The following PKHD1L1 variants were observed in gnomAD, a reference collection of about 807,000 sequenced individuals.
PKHD1L1 encodes the protein fibrocystin-L.
In PKHD1L1, 434 loss-of-function variants were observed where a neutral mutation model predicts 462.9. The ratio of observed to expected loss-of-function variants is 0.94; its 90% CI spans 0.87 to 1.02. The LOEUF is 1.02. PKHD1L1 is among the 50% of genes least tolerant of loss of function. The pLI, the probability that PKHD1L1 is intolerant of heterozygous loss-of-function variation, is 0.00. For synonymous variants in PKHD1L1, 1,781 were observed against 1,750.0 expected (o/e 1.02, Z -0.44); for missense variants, 5,202 against 5,096.1 (o/e 1.02, Z -0.63).
At position 109,396,083 on chromosome 8, in the gene PKHD1L1, A is replaced by G. The variant is rs761226372; in HGVS notation, c.868A>G (p.Ile290Val). The G allele has an allele frequency of 6.2e-7, 1 of 1,609,638 alleles. No homozygotes were observed. The highest frequency in any genetic ancestry group is 8.5e-7 in the Non-Finnish European group (1 of 1,178,204). Residue 290 changes from isoleucine to valine, a missense_variant, in exon 11 of 78, where the codon ATA (isoleucine) becomes GTA (valine). Around this residue, in one of 3 missense-constraint regions of PKHD1L1, gnomAD observed 4,497 missense variants for 4,336.8 expected, o/e 1.04. Transcript: ENST00000378402. ...CATTCGAGGTGGCACCACGCTGACA[A>G]TAAGTGGGCGTTTCTTTGATCAGAC... ...GSIRGGTTLT[I>V]SGRFFDQTDF... is the part of the protein sequence containing the mutation.
rs753700737 is a variant in PKHD1L1, at chr8:109,420,697, C to T, written c.2697+7C>T. ...GGCTGTGAGCTTTGGGCAGGTAAGC[C>T]TAGAATTTTGCATTAATTTTTATGT... On this transcript the variant is annotated splice_region_variant and intron_variant, in intron 23 of 77. Transcript: ENST00000378402. 4.6e-6 allele frequency: 7 copies of T among 1,517,876 alleles called. No individual in the cohort carries two copies. The South Asian group carries it at 9.3e-5, about 20-fold the overall frequency. The allele number at this position is 1,517,876 out of a possible 1,614,324, so 94.0% of individuals were successfully genotyped here.
In PKHD1L1 at chr8:109,419,315, T is replaced by C. The variant is rs562249902; in HGVS notation, c.2524+55T>C. 959 of 1,389,514 alleles carry C rather than the reference T, an allele frequency of 6.9e-4. 15 individuals carry two copies. In the South Asian group the frequency reaches 0.014, roughly 20 times the overall value. 86.1% of individuals were successfully genotyped at this position (1,389,514 alleles called of 1,614,324 possible). On this transcript the variant is annotated intron_variant, in intron 22 of 77. Transcript: ENST00000378402. ...ATCTAAATATAGTAAAATCTTACCA[T>C]GGAAATTATTTTTATATTCTGCAGT...
chr8:109,498,775 A>G lies in PKHD1L1; in HGVS notation c.10828+4A>G, dbSNP rs572419150. 1.9e-6 allele frequency: 3 copies of G among 1,586,766 alleles called. No homozygotes were observed. The South Asian group carries it at 3.3e-5, about 18-fold the overall frequency. On this transcript the variant is annotated splice_donor_region_variant and intron_variant, in intron 67 of 77. Transcript: ENST00000378402. ...AGTGGCCTTTTGGACATCTCAGGCA[A>G]GTACACAGTCTTTTACAAATCTTCT...
intron 15 of PKHD1L1, 42 bp from the exon 16 acceptor site, chr8:109,404,953 A>G: frequency 7.7e-7 from 1 of 1,292,834 alleles, no homozygotes. Flanking sequence ...TAAGATATAT[A>G]TATTTTTCAT....
chr8:109,376,260 A>T (rs886779160), intron 2 of PKHD1L1, among the ~76,000 whole-genome samples: 1 of 152,016 alleles, frequency 6.6e-6, no homozygotes, highest in Admixed American at 6.6e-5. Flanking sequence ...CTGCTGTGCT[A>T]GCAATGAGCA....
At chr8:109,392,694 A>AT (rs1189217767) in intron 9 of PKHD1L1, among the ~76,000 whole-genome samples, 1 of 152,104 alleles carries the variant, frequency 6.6e-6, no homozygotes, top group African/African-American at 2.4e-5. Context: ...AAAATCTTAC[A>AT]TTTTGAATCT....
chr8:109,409,352 C>T (rs979358601), intron 18 of PKHD1L1, among the ~76,000 whole-genome samples: 1 of 151,840 alleles, frequency 6.6e-6, no homozygotes, highest in African/African-American at 2.4e-5. Flanking sequence ...TGGGTTCAAG[C>T]GATTCTCCTG....
At position 109,410,726 on chromosome 8, in the gene PKHD1L1, C is replaced by CTTTTTTTTTTTTTTTTTTTTTTTT. The variant is rs71303459; in HGVS notation, c.2085+769_2085+770insTTTTTTTTTTTTTTTTTTTTTTTT. ...TTCTTTTTTCTTTTCTTTTCTTTTT[C>CTTTTTTTTTTTTTTTTTTTTTTTT]TTTTTTTTTTTTTTTTTTTTTGAGA... On this transcript the variant is annotated intron_variant, in intron 19 of 77. Transcript: ENST00000378402. 7.6e-4 allele frequency among the ~76,000 whole-genome samples: 52 copies of CTTTTTTTTTTTTTTTTTTTTTTTT among 68,384 alleles called. 13 individuals carry two copies. The highest frequency in any genetic ancestry group is 3.7e-3 in the African/African-American group (45 of 12,264). The allele number at this position is 68,384 out of a possible 152,430, so 44.9% of individuals were successfully genotyped here. A position where few individuals can be genotyped will look rare whatever the true frequency, so the allele number is the denominator to read the frequency against.
In PKHD1L1 at chr8:109,441,401, T is replaced by A. The variant is rs372027641; in HGVS notation, c.4204+22T>A. 23 of 1,338,128 alleles carry A rather than the reference T, an allele frequency of 1.7e-5. No individual in the cohort carries two copies. In the African/African-American group the frequency reaches 2.8e-4, roughly 16 times the overall value. 82.9% of individuals were successfully genotyped at this position (1,338,128 alleles called of 1,614,324 possible). A position where few individuals can be genotyped will look rare whatever the true frequency, so the allele number is the denominator to read the frequency against. On this transcript the variant is annotated intron_variant, in intron 34 of 77. Transcript: ENST00000378402. ...TCAGGTATCAGCCATTTATATACTA[T>A]GAAATAATGGAAGCACTGAAACCTG...
chr8:109,513,700 C>T (rs745614866), intron 71 of PKHD1L1, among the ~76,000 whole-genome samples: 6 of 152,036 alleles, frequency 3.9e-5, no homozygotes, highest in African/African-American at 1.4e-4. Flanking sequence ...AGTTCCATCC[C>T]TTCGCTCCAG....
chr8:109,479,946 G>A, intron 54 of PKHD1L1, 45 bp from the exon 55 acceptor site: 2 of 1,488,332 alleles, frequency 1.3e-6, no homozygotes, highest in Non-Finnish European at 1.8e-6. Context: ...GCTATAAGTT[G>A]TAGTTTATGG....
In PKHD1L1 at chr8:109,390,227, T is replaced by G. The variant is rs6469257; in HGVS notation, c.698-225T>G. On this transcript the variant is annotated intron_variant, in intron 8 of 77. Transcript: ENST00000378402. ...CTTCATTCATGATCATATTTTGTTA[T>G]GTGTTTCTGGTTATAACTTCAAGAC... Among the ~76,000 whole-genome samples the G allele has an allele frequency of 0.6, 91,208 of 151,998 alleles. 28,080 individuals carry two copies. The highest frequency in any genetic ancestry group is 0.73 in the African/African-American group (30,307 of 41,432).
rs758929561 is a variant in PKHD1L1, at chr8:109,396,001, T to C, written c.812-26T>C. The C allele has an allele frequency of 2.0e-6, 3 of 1,467,682 alleles. No individual in the cohort carries two copies. In the South Asian group the frequency reaches 3.6e-5, roughly 18 times the overall value. 90.9% of individuals were successfully genotyped at this position (1,467,682 alleles called of 1,614,324 possible). On this transcript the variant is annotated intron_variant, in intron 10 of 77. Transcript: ENST00000378402. ...GGGTTTATGTGTAATATTTATGATA[T>C]TTTATTTAATGTGGTTTTCCCCCAG...
chr8:109,444,569 C>T (rs1401872011), intron 37 of PKHD1L1, 92 bp from the exon 38 acceptor site: 72 of 1,205,254 alleles, frequency 6.0e-5, no homozygotes, highest in Non-Finnish European at 7.7e-5. Context: ...ACATGATTAA[C>T]TTTTAAAATT....
At chr8:109,432,553 G>T (rs987411462) in intron 27 of PKHD1L1, among the ~76,000 whole-genome samples, 1 of 151,830 alleles carries the variant, frequency 6.6e-6, no homozygotes, top group African/African-American at 2.4e-5. Flanking sequence ...TCTATAATTT[G>T]TTGATCAAAC....
chr8:109,483,071 A>G lies in PKHD1L1; in HGVS notation c.9542A>G (p.Lys3181Arg), dbSNP rs779949052. ...TCAGAAACTGCATTTGCAGGTTCCA[A>G]AGTCCTGTCTCTGATGGATGCTGTG... ...KLSETAFAGS[K>R]VLSLMDAVDW... The change falls in exon 57 of 78, where the codon AAA becomes AGA. Residue 3181 changes from lysine (K) to arginine (R), a missense_variant. By Grantham distance (26) the Lys-to-Arg change is conservative. Around this residue, in one of 3 missense-constraint regions of PKHD1L1, gnomAD observed 4,497 missense variants for 4,336.8 expected, o/e 1.04. Transcript: ENST00000378402. 36 of 1,602,024 alleles carry G rather than the reference A, an allele frequency of 2.2e-5. No individual in the cohort carries two copies. Among genetic ancestry groups the G allele is most frequent in the Non-Finnish European group, 2.8e-5 (33 of 1,174,226 alleles).
At chr8:109,365,984 A>C (rs1451279515) in intron 2 of PKHD1L1, among the ~76,000 whole-genome samples, 1 of 152,198 alleles carries the variant, frequency 6.6e-6, no homozygotes, top group African/African-American at 2.4e-5. Context: ...AAGAAGAAGA[A>C]GAAAAAAAGA....
chr8:109,429,518 T>C (rs1412024882), intron 26 of PKHD1L1, 56 bp downstream of exon 26: 2 of 1,501,404 alleles, frequency 1.3e-6, no homozygotes, highest in South Asian at 1.2e-5. Flanking sequence ...TATAACTAGT[T>C]TGTAATATGT....
chr8:109,535,158 CTG>C lies in PKHD1L1; in HGVS notation c.*5069_*5070del. 1.3e-5 allele frequency among the ~76,000 whole-genome samples: 2 copies of C among 151,876 alleles called. No individual in the cohort carries two copies. The highest frequency in any genetic ancestry group is 3.9e-4 in the East Asian group (2 of 5,164). On this transcript the variant is annotated 3_prime_UTR_variant, in exon 78 of 78. Transcript: ENST00000378402. ...TATAAAATTCACACCCAGTTATAGA[CTG>C]AGTAATTATAGTTGCTATGGTAATG...
Sources: gnomAD v4.1 joint callset for allele counts (sites outside exome capture counted in the v4.1 genomes callset) on GRCh38, gnomAD v4.1.1 for gene constraint, gnomAD v4.1.1 regional missense constraint, MANE v1.5 for transcripts, NCBI Gene and HGNC (gene_info 2026-07-23, HGNC 2026-07-21) for gene names.